The following SAMD3 variants were observed in gnomAD, a reference collection of about 807,000 sequenced individuals.
The protein encoded by SAMD3 is sterile alpha motif domain containing 3.
In SAMD3, 63 loss-of-function variants were observed where a neutral mutation model predicts 58.5. The ratio of observed to expected loss-of-function variants is 1.08; its 90% CI spans 0.88 to 1.33. The LOEUF is 1.33. SAMD3 is among the 40% of genes most tolerant of loss of function. SAMD3 has a pLI of 0.00. For missense variants in SAMD3, 604 were observed against 608.4 expected, an observed-to-expected ratio of 0.99 and a Z score of 0.08; for synonymous variants, 220 against 210.3, an observed-to-expected ratio of 1.05 and a Z score of -0.40.
intron 5 of SAMD3, 76 bp downstream of exon 5, chr6:130,209,419 C>A: frequency 1.4e-6 from 1 of 718,302 alleles, no homozygotes. Context: ...TACATCTAAA[C>A]ATATGAAACC....
At chr6:130,192,658 C>T (rs945855852) in intron 5 of SAMD3, among the ~76,000 whole-genome samples, 26 of 152,178 alleles carry the variant, frequency 1.7e-4, no homozygotes, top group African/African-American at 6.3e-4. Flanking sequence ...AATAAACAGC[C>T]ATGTTGCTCA....
At chr6:130,228,624 G>C (rs1322464742) in intron 2 of SAMD3, among the ~76,000 whole-genome samples, 1 of 152,176 alleles carries the variant, frequency 6.6e-6, no homozygotes, top group Non-Finnish European at 1.5e-5. Context: ...TGGGAGCCGC[G>C]GGTGTTAAGC....
At chr6:130,267,061 A>G (rs564512343) in intron 2 of SAMD3, among the ~76,000 whole-genome samples, 1 of 152,344 alleles carries the variant, frequency 6.6e-6, no homozygotes, top group Admixed American at 6.5e-5. Context: ...AAAATAGACT[A>G]GCTCTCGACT....
At chr6:130,274,790 G>C (rs1199774000) in intron 2 of SAMD3, among the ~76,000 whole-genome samples, 1 of 151,224 alleles carries the variant, frequency 6.6e-6, no homozygotes, top group African/African-American at 2.4e-5. Context: ...GAGGGGACAA[G>C]GGCTGTGATT....
chr6:130,199,173 T>C (rs1794415454), intron 5 of SAMD3, among the ~76,000 whole-genome samples: 1 of 152,168 alleles, frequency 6.6e-6, no homozygotes, highest in African/African-American at 2.4e-5. Flanking sequence ...AGCAATAGTA[T>C]TAGTACTCCC....
chr6:130,262,969 G>A (rs10872354), intron 2 of SAMD3, among the ~76,000 whole-genome samples: 47,647 of 151,786 alleles, frequency 0.31, 7,865 homozygotes, highest in East Asian at 0.47. Context: ...AATTATAAAA[G>A]GTTAAAAAGA....
intron 8 of SAMD3, among the ~76,000 whole-genome samples, chr6:130,159,351 C>G (rs1790075405): frequency 6.6e-6 from 1 of 152,180 alleles, no homozygotes; most frequent in Admixed American, 6.5e-5. Context: ...ACTGTAAGTT[C>G]AATAAGCCTC....
intron 1 of SAMD3, among the ~76,000 whole-genome samples, chr6:130,344,825 C>CAAAAAAAAAAA (rs56795907): frequency 6.6e-4 from 27 of 41,098 alleles, no homozygotes; most frequent in Admixed American, 1.3e-3. Flanking sequence ...ACAACAACAG[C>CAAAAAAAAAAA]AAAAAAAAAA....
intron 1 of SAMD3, among the ~76,000 whole-genome samples, chr6:130,327,357 T>C (rs572694190): frequency 6.6e-6 from 1 of 152,304 alleles, no homozygotes; most frequent in South Asian, 2.1e-4. Context: ...CTGAACTAAA[T>C]TGAATTTATC....
At chr6:130,173,460 GC>G (rs1359755037) in intron 8 of SAMD3, among the ~76,000 whole-genome samples, 2 of 152,190 alleles carry the variant, frequency 1.3e-5, no homozygotes, top group Non-Finnish European at 2.9e-5. Context: ...GCTACAGTTT[GC>G]TGGAGGTCCA....
intron 2 of SAMD3, among the ~76,000 whole-genome samples, chr6:130,236,625 A>G (rs892952690): frequency 1.3e-5 from 2 of 151,966 alleles, no homozygotes; most frequent in Non-Finnish European, 2.9e-5. Context: ...CTTGTGATCC[A>G]CCCATCATGG....
intron 9 of SAMD3, among the ~76,000 whole-genome samples, chr6:130,152,546 G>A (rs557274086): frequency 4.6e-5 from 7 of 151,948 alleles, no homozygotes; most frequent in East Asian, 3.9e-4. Context: ...GCGTGGTGGC[G>A]TGCATCCGTA....
chr6:130,321,156 G>C (rs151035696), intron 1 of SAMD3, among the ~76,000 whole-genome samples: 3,017 of 152,288 alleles, frequency 0.02, 92 homozygotes, highest in African/African-American at 0.068. Flanking sequence ...CCACAATGAG[G>C]TTACAAAAAG....
chr6:130,302,914 G>A (rs528529608), intron 2 of SAMD3, among the ~76,000 whole-genome samples: 2 of 152,128 alleles, frequency 1.3e-5, no homozygotes, highest in Admixed American at 6.6e-5. Context: ...GATACCAGAG[G>A]CTTTAAAATT....
chr6:130,335,115 A>G (rs776255081), intron 1 of SAMD3, among the ~76,000 whole-genome samples: 8 of 152,222 alleles, frequency 5.3e-5, no homozygotes, highest in South Asian at 2.1e-4. Context: ...TGGCTTTCCT[A>G]TTCCCAAAGA....
intron 2 of SAMD3, among the ~76,000 whole-genome samples, chr6:130,281,236 A>C (rs1429275656): frequency 6.6e-6 from 1 of 152,244 alleles, no homozygotes; most frequent in Non-Finnish European, 1.5e-5. Flanking sequence ...ATAAGGGAAA[A>C]CTACTGGTTA....
chr6:130,176,157 T>C, intron 7 of SAMD3, 149 bp from the exon 8 acceptor site: 1 of 708,644 alleles, frequency 1.4e-6, no homozygotes, highest in Non-Finnish European at 2.5e-6. Flanking sequence ...TATCTATCCT[T>C]CCTTTTATCC....
At chr6:130,170,201 C>A (rs1366778145) in intron 8 of SAMD3, among the ~76,000 whole-genome samples, 3 of 152,152 alleles carry the variant, frequency 2.0e-5, no homozygotes, top group Non-Finnish European at 4.4e-5. Context: ...CTCCCCTTGT[C>A]CCCCACCGCC....
chr6:130,228,607 T>A (rs10447441), intron 2 of SAMD3, among the ~76,000 whole-genome samples: 37,479 of 152,132 alleles, frequency 0.25, 5,237 homozygotes, highest in East Asian at 0.47. Context: ...CAATGTGCAG[T>A]CAGGGCTGGG....
Sources: allele counts gnomAD v4.1 joint callset (sites outside exome capture counted in the v4.1 genomes callset), GRCh38; gene constraint gnomAD v4.1.1; transcripts MANE v1.5; gene names NCBI Gene and HGNC (gene_info 2026-07-23, HGNC 2026-07-21).